The following GRIA4 variants were observed in gnomAD, a reference collection of about 807,000 sequenced individuals.
GRIA4 encodes the protein glutamate ionotropic receptor AMPA type subunit 4.
GRIA4 carries 34 observed loss-of-function variants against 104.0 expected under a neutral mutation model. That is an observed-to-expected ratio of 0.33 (90% CI 0.25 to 0.44). The LOEUF is 0.44. GRIA4 is among the 20% of genes least tolerant of loss of function. The pLI is 1.00. For missense variants in GRIA4, 750 were observed against 1,096.5 expected (o/e 0.68, Z 4.46); for synonymous variants, 386 against 381.9 (o/e 1.01, Z -0.13).
intron 4 of GRIA4, among the ~76,000 whole-genome samples, chr11:105,762,863 G>C (rs1429830317): frequency 6.6e-6 from 1 of 152,162 alleles, no homozygotes; most frequent in Admixed American, 6.6e-5. Flanking sequence ...CCCAGTCTGG[G>C]ATATGTCTTT....
chr11:105,954,078 C>T (rs1021781299), intron 14 of GRIA4, among the ~76,000 whole-genome samples: 1 of 152,136 alleles, frequency 6.6e-6, no homozygotes, highest in African/African-American at 2.4e-5. Context: ...CCTGTAGCTC[C>T]TGTCTGATGG....
intron 4 of GRIA4, among the ~76,000 whole-genome samples, chr11:105,832,046 GA>G (rs1943995673): frequency 6.6e-6 from 1 of 151,952 alleles, no homozygotes; most frequent in Admixed American, 6.6e-5. Context: ...TGGATAGTAG[GA>G]AATGTTGATT....
intron 4 of GRIA4, among the ~76,000 whole-genome samples, chr11:105,781,258 G>A (rs1020718553): frequency 6.6e-6 from 1 of 152,034 alleles, no homozygotes; most frequent in African/African-American, 2.4e-5. Context: ...ACCCCATTCT[G>A]TCATATTGTT....
At chr11:105,731,411 C>T (rs1181610589) in intron 3 of GRIA4, among the ~76,000 whole-genome samples, 1 of 152,142 alleles carries the variant, frequency 6.6e-6, no homozygotes, top group Non-Finnish European at 1.5e-5. Flanking sequence ...AATAGGAACA[C>T]TTTTACACTG....
At chr11:105,784,279 G>A (rs1941859784) in intron 4 of GRIA4, among the ~76,000 whole-genome samples, 2 of 152,098 alleles carry the variant, frequency 1.3e-5, no homozygotes, top group Non-Finnish European at 2.9e-5. Flanking sequence ...CAAATTAATT[G>A]CAATACAATT....
In GRIA4 at chr11:105,974,455, G is replaced by A. The variant is rs781658084; in HGVS notation, c.2544+11G>A. ...GCGAAGAGAATGAAGGTGGCAAAGA[G>A]TGCACAGACTTTTAACCCAACTTCC... On this transcript the variant is annotated intron_variant, in intron 16 of 16. Transcript: ENST00000282499. The A allele has an allele frequency of 6.2e-7, 1 of 1,613,990 alleles. No homozygotes were observed. The highest frequency in any genetic ancestry group is 1.1e-5 in the South Asian group (1 of 91,080).
chr11:105,877,268 G>A (rs1288731222), intron 5 of GRIA4, among the ~76,000 whole-genome samples: 2 of 152,178 alleles, frequency 1.3e-5, no homozygotes, highest in East Asian at 3.9e-4. Flanking sequence ...GGTTTCTGCA[G>A]AGAAATCCAC....
intron 5 of GRIA4, among the ~76,000 whole-genome samples, chr11:105,874,856 C>T (rs1455023115): frequency 6.6e-6 from 1 of 152,114 alleles, no homozygotes; most frequent in Non-Finnish European, 1.5e-5. Flanking sequence ...ATGTCATCTG[C>T]AAATAGAGAC....
At chr11:105,939,114 T>A (rs1948122485) in intron 14 of GRIA4, among the ~76,000 whole-genome samples, 1 of 152,134 alleles carries the variant, frequency 6.6e-6, no homozygotes, top group Admixed American at 6.6e-5. Flanking sequence ...TTAAAAAAAA[T>A]GCTAAAATGA....
intron 6 of GRIA4, 124 bp from the exon 7 acceptor site, chr11:105,898,145 C>A: frequency 2.2e-6 from 1 of 455,260 alleles, no homozygotes; most frequent in Non-Finnish European, 3.9e-6. Context: ...TCATTTTCCA[C>A]ATTTTTAGCC....
intron 5 of GRIA4, among the ~76,000 whole-genome samples, chr11:105,866,551 GTATATATATATATATA>G (rs71041633): frequency 3.9e-5 from 3 of 76,752 alleles, no homozygotes; most frequent in East Asian, 3.9e-4. Context: ...GTGTGTGTGT[GTATATATATATATATA>G]TATATATATA....
intron 3 of GRIA4, among the ~76,000 whole-genome samples, chr11:105,621,226 C>G (rs1950736797): frequency 6.6e-6 from 1 of 151,554 alleles, no homozygotes; most frequent in Non-Finnish European, 1.5e-5. Context: ...ATATATTATG[C>G]CCTGTGATTT....
chr11:105,896,045 T>C (rs1311986464), intron 6 of GRIA4, among the ~76,000 whole-genome samples: 1 of 152,172 alleles, frequency 6.6e-6, no homozygotes, highest in Non-Finnish European at 1.5e-5. Flanking sequence ...TCACCAACAG[T>C]TGCAGTTTTT....
rs977374731 is a variant in GRIA4 at position 105,912,485 on chromosome 11, A to G, written c.1269+1940A>G. 3.8e-4 allele frequency: 335 copies of G among 880,800 alleles called. 1 individual carries two copies. The highest frequency in any genetic ancestry group is 4.4e-4 in the Non-Finnish European group (322 of 737,778). 54.6% of individuals were successfully genotyped at this position (880,800 alleles called of 1,614,324 possible). On this transcript the variant is annotated intron_variant, in intron 10 of 16. Transcript: ENST00000282499. ...TTTAGGAAGCATGCTATCAAAAAAA[A>G]AAAGACTAAAAATGACTGAAAAAAT... is the stretch of plus-strand genomic sequence containing the variant.
At chr11:105,957,414 T>C (rs1458950442) in intron 14 of GRIA4, among the ~76,000 whole-genome samples, 3 of 152,186 alleles carry the variant, frequency 2.0e-5, no homozygotes, top group African/African-American at 7.2e-5. Flanking sequence ...AAAGATCAGA[T>C]AGTTGTAGAT....
intron 4 of GRIA4, among the ~76,000 whole-genome samples, chr11:105,825,129 T>C (rs968570554): frequency 1.3e-5 from 2 of 152,028 alleles, no homozygotes; most frequent in Non-Finnish European, 2.9e-5. Flanking sequence ...GCTAGGCCAA[T>C]GGAAATCACC....
At chr11:105,885,264 A>T (rs1413449822) in intron 5 of GRIA4, among the ~76,000 whole-genome samples, 13 of 152,206 alleles carry the variant, frequency 8.5e-5, no homozygotes, top group Non-Finnish European at 1.8e-4. Flanking sequence ...AAATCACTCA[A>T]GTCTAGATTG....
At chr11:105,823,522 T>A (rs1943652364) in intron 4 of GRIA4, among the ~76,000 whole-genome samples, 1 of 151,964 alleles carries the variant, frequency 6.6e-6, no homozygotes, top group Admixed American at 6.6e-5. Flanking sequence ...CAGAATTGAG[T>A]GGATACAGCT....
At chr11:105,657,139 G>T (rs930596352) in intron 3 of GRIA4, among the ~76,000 whole-genome samples, 5 of 151,958 alleles carry the variant, frequency 3.3e-5, no homozygotes, top group African/African-American at 1.2e-4. Context: ...AACATTATTG[G>T]ATGTGGTAAC....
Sources: gnomAD v4.1 joint callset for allele counts (sites outside exome capture counted in the v4.1 genomes callset) on GRCh38, gnomAD v4.1.1 for gene constraint, MANE v1.5 for transcripts, NCBI Gene and HGNC (gene_info 2026-07-23, HGNC 2026-07-21) for gene names.